The following JAKMIP1 variants were observed in gnomAD, a reference collection of about 807,000 sequenced individuals.
JAKMIP1 encodes the protein janus kinase and microtubule interacting protein 1.
JAKMIP1 carries 33 observed loss-of-function variants against 113.0 expected under a neutral mutation model. The observed-to-expected ratio is 0.29, with a 90% CI of 0.22 to 0.39. The LOEUF is 0.39. JAKMIP1 is among the 10% of genes least tolerant of loss of function. JAKMIP1 has a pLI of 1.00. For missense variants in JAKMIP1, 813 were observed against 1,080.5 expected (o/e 0.75, Z 3.47); for synonymous variants, 480 against 459.9 (o/e 1.04, Z -0.56).
Position 6,139,085 on chromosome 4 carries a change from TATACACACAC to T in JAKMIP1, c.-147-26098_-147-26089del, listed in dbSNP as rs1223094923. On this transcript the variant is annotated intron_variant, in intron 1 of 20. Transcript: ENST00000409021. This position sits in a 1 kb window ranked among gnomAD's most constrained non-coding sequence, Gnocchi z 5.2. The stretch of plus-strand genomic sequence containing the variant: ...ACACACACACACACACACACACACA[TATACACACAC>T]ACACACACACCAGCAGGTCAGCCCT... 9.5e-3 allele frequency among the ~76,000 whole-genome samples: 266 copies of T among 27,998 alleles called. 2 individuals carry two copies. The highest frequency in any genetic ancestry group is 0.02 in the African/African-American group (255 of 12,830). 18.4% of individuals were successfully genotyped at this position (27,998 alleles called of 152,430 possible).
At chr4:6,075,908 T>C (rs1048837279) in intron 8 of JAKMIP1, among the ~76,000 whole-genome samples, 1 of 152,154 alleles carries the variant, frequency 6.6e-6, no homozygotes, top group Non-Finnish European at 1.5e-5. Flanking sequence ...CAGTTGCAGC[T>C]GCTCATGCCT....
At chr4:6,091,889 C>A (rs749904973) in intron 3 of JAKMIP1, among the ~76,000 whole-genome samples, 2 of 152,144 alleles carry the variant, frequency 1.3e-5, no homozygotes, top group Non-Finnish European at 2.9e-5. Flanking sequence ...TTGTCACCTG[C>A]CTCCAGTCCC....
Position 6,140,087 on chromosome 4 carries a change from AT to A in JAKMIP1, c.-147-27091del, listed in dbSNP as rs1187712281. On this transcript the variant is annotated intron_variant, in intron 1 of 20. Transcript: ENST00000409021. This position sits in a 1 kb window ranked among gnomAD's most constrained non-coding sequence, Gnocchi z 9.4. ...CCTAGGAAACGAATATATTTATTAGATGGATTGAGATGTACTGAGAATAGCT... is the reference window on the plus strand; with the variant it reads ...CCTAGGAAACGAATATATTTATTAGAGGATTGAGATGTACTGAGAATAGCT... Among the ~76,000 whole-genome samples, 3 of 152,106 alleles carry A rather than the reference AT, an allele frequency of 2.0e-5. No individual in the cohort carries two copies. The highest frequency in any genetic ancestry group is 7.3e-5 in the African/African-American group (3 of 41,374).
chr4:6,106,782 A>G lies in JAKMIP1; in HGVS notation c.130-815T>C, dbSNP rs966303780. Among the ~76,000 whole-genome samples the G allele has an allele frequency of 6.6e-5, 10 of 152,112 alleles. No individual in the cohort carries two copies. Among genetic ancestry groups the G allele is most frequent in the Non-Finnish European group, 1.5e-4 (10 of 68,020 alleles). On this transcript the variant is annotated intron_variant, in intron 2 of 20. Transcript: ENST00000409021. This position sits in a 1 kb window ranked among gnomAD's most constrained non-coding sequence, Gnocchi z 5.9. ...GCTTTCTTTAACCTTTTTGTTTCAA[A>G]TATCACTCAACACACATTCCACAGG...
chr4:6,112,419 TA>T, intron 2 of JAKMIP1, among the ~76,000 whole-genome samples: 1 of 152,376 alleles, frequency 6.6e-6, no homozygotes, highest in African/African-American at 2.4e-5. Context: ...TTTGCTCAGT[TA>T]ATCTCTGCTA....
chr4:6,164,730 T>C (rs945788722), intron 1 of JAKMIP1, among the ~76,000 whole-genome samples: 2 of 152,216 alleles, frequency 1.3e-5, no homozygotes, highest in African/African-American at 4.8e-5. Flanking sequence ...CTAACCCCTA[T>C]GGATGACTTC....
chr4:6,199,404 G>A lies in JAKMIP1; in HGVS notation c.-148+849C>T, dbSNP rs1007019356. ...GGATGCTCAGGAGCCCACAGCAGGG[G>A]GGATGGAGCGAAGGACCGAGGGGCT... is the stretch of plus-strand genomic sequence containing the variant. On this transcript the variant is annotated intron_variant, in intron 1 of 20. Coordinates refer to ENST00000409021, the MANE Select transcript of JAKMIP1 (RefSeq NM_001099433.2). The surrounding 1 kb of genome is among the most constrained non-coding windows in gnomAD (Gnocchi z 5.6). Among the ~76,000 whole-genome samples, 2 of 152,218 alleles carry A rather than the reference G, an allele frequency of 1.3e-5. No homozygotes were observed. Among genetic ancestry groups the A allele is most frequent in the Non-Finnish European group, 2.9e-5 (2 of 68,026 alleles).
At chr4:6,090,483 T>A (rs1352474509) in intron 3 of JAKMIP1, among the ~76,000 whole-genome samples, 2 of 152,140 alleles carry the variant, frequency 1.3e-5, no homozygotes, top group African/African-American at 4.8e-5. Flanking sequence ...GCCTCCAAGT[T>A]TGTGGTAATT....
In JAKMIP1 at chr4:6,086,136, G is replaced by T. The variant is rs893362583; in HGVS notation, c.625-507C>A. Among the ~76,000 whole-genome samples the T allele has an allele frequency of 6.6e-6, 1 of 151,908 alleles. No homozygotes were observed. Among genetic ancestry groups the T allele is most frequent in the Non-Finnish European group, 1.5e-5 (1 of 67,986 alleles). ...ACCCACCGGACAACGTTGTCCTCCC[G>T]CCCTGACTCCGTCACCCACTCCCAG... On this transcript the variant is annotated intron_variant, in intron 3 of 20. Transcript: ENST00000409021. The surrounding 1 kb of genome is among the most constrained non-coding windows in gnomAD (Gnocchi z 4.1).
In JAKMIP1 at chr4:6,186,067, A is replaced by G. The variant is rs1380044342; in HGVS notation, c.-148+14186T>C. On this transcript the variant is annotated intron_variant, in intron 1 of 20. Coordinates refer to ENST00000409021, the MANE Select transcript of JAKMIP1 (RefSeq NM_001099433.2). This position sits in a 1 kb window ranked among gnomAD's most constrained non-coding sequence, Gnocchi z 5.5. ...GTGGACACAGCCAGCCACTCAACAC[A>G]GTGTCTGGCTAGGGGCTACAGGAAG... is the stretch of plus-strand genomic sequence containing the variant. Among the ~76,000 whole-genome samples the G allele has an allele frequency of 6.6e-6, 1 of 152,102 alleles. No homozygotes were observed. The highest frequency in any genetic ancestry group is 2.4e-5 in the African/African-American group (1 of 41,418).
At chr4:6,172,099 A>G (rs897018530) in intron 1 of JAKMIP1, among the ~76,000 whole-genome samples, 1 of 152,184 alleles carries the variant, frequency 6.6e-6, no homozygotes, top group Non-Finnish European at 1.5e-5. Context: ...TTTTCTCTTA[A>G]GGTAAATCCT....
Position 6,129,319 on chromosome 4 carries a change from G to A in JAKMIP1, c.-147-16322C>T, listed in dbSNP as rs1159572574. 6.6e-6 allele frequency among the ~76,000 whole-genome samples: 1 copy of A among 152,226 alleles called. No individual in the cohort carries two copies. The highest frequency in any genetic ancestry group is 1.5e-5 in the Non-Finnish European group (1 of 68,040). ...GATGCTGGGCGTGGCCCCACCCCAT[G>A]CCAGCCAGGAACCATTGATATTTAA... On this transcript the variant is annotated intron_variant, in intron 1 of 20. Transcript: ENST00000409021. The surrounding 1 kb of genome is among the most constrained non-coding windows in gnomAD (Gnocchi z 5.4).
rs1279236929 is a variant in JAKMIP1 at position 6,140,999 on chromosome 4, G to A, written c.-147-28002C>T. 1.3e-5 allele frequency among the ~76,000 whole-genome samples: 2 copies of A among 152,320 alleles called. No individual in the cohort carries two copies. The highest frequency in any genetic ancestry group is 3.9e-4 in the East Asian group (2 of 5,188). On this transcript the variant is annotated intron_variant, in intron 1 of 20. Transcript: ENST00000409021. This position sits in a 1 kb window ranked among gnomAD's most constrained non-coding sequence, Gnocchi z 9.4. ...CCAGAGCTGGGTGACGGCAGAGCCA[G>A]CCCTGTGGGCCAGGCATCTGGGACC...
At chr4:6,127,047 C>T (rs897006285) in intron 1 of JAKMIP1, among the ~76,000 whole-genome samples, 4 of 152,180 alleles carry the variant, frequency 2.6e-5, no homozygotes, top group Non-Finnish European at 5.9e-5. Context: ...GACACACCCC[C>T]ATACCACACC....
At chr4:6,077,297 T>C (rs1719817227) in intron 8 of JAKMIP1, among the ~76,000 whole-genome samples, 1 of 151,766 alleles carries the variant, frequency 6.6e-6, no homozygotes, top group South Asian at 2.1e-4. Flanking sequence ...TCACTGACAA[T>C]GAAGGCAGAG....
rs1726011919 is a variant in JAKMIP1, at chr4:6,181,471, A to G, written c.-148+18782T>C. On this transcript the variant is annotated intron_variant, in intron 1 of 20. Transcript: ENST00000409021. The surrounding 1 kb of genome is among the most constrained non-coding windows in gnomAD (Gnocchi z 5.4). ...GTGCAGACATTTGCAGAGTCCCTCA[A>G]TGTCTCAGTGGCTCCCCCATCCCTT... Among the ~76,000 whole-genome samples, 1 of 152,272 alleles carries G rather than the reference A, an allele frequency of 6.6e-6. No homozygotes were observed. Among genetic ancestry groups the G allele is most frequent in the African/African-American group, 2.4e-5 (1 of 41,556 alleles).
intron 1 of JAKMIP1, among the ~76,000 whole-genome samples, chr4:6,160,803 C>T (rs1341142458): frequency 2.6e-5 from 4 of 151,772 alleles, no homozygotes; most frequent in Non-Finnish European, 5.9e-5. Flanking sequence ...GCTCCCGCAC[C>T]TCCACTCACC....
intron 1 of JAKMIP1, among the ~76,000 whole-genome samples, chr4:6,169,375 C>T (rs1157447621): frequency 2.6e-5 from 4 of 151,842 alleles, no homozygotes; most frequent in South Asian, 4.2e-4. Context: ...GTCCACATGA[C>T]GATGGAGGCA....
At position 6,049,311 on chromosome 4, in the gene JAKMIP1, C is replaced by T. The variant is rs1715370943; in HGVS notation, c.1963-389G>A. On this transcript the variant is annotated intron_variant, in intron 15 of 20. Coordinates refer to ENST00000409021, the MANE Select transcript of JAKMIP1 (RefSeq NM_001099433.2). The surrounding 1 kb of genome is among the most constrained non-coding windows in gnomAD (Gnocchi z 7.0). Reference sequence around the variant, plus strand: ...TCAGCCTTCCAAAGTGCTGGGATTACAGGCGTGAGCCACCATGCCCCGCCA... The same window carrying T: ...TCAGCCTTCCAAAGTGCTGGGATTATAGGCGTGAGCCACCATGCCCCGCCA... 6.6e-6 allele frequency among the ~76,000 whole-genome samples: 1 copy of T among 152,220 alleles called. No homozygotes were observed. The highest frequency in any genetic ancestry group is 6.5e-5 in the Admixed American group (1 of 15,284).
Sources: allele counts gnomAD v4.1 joint callset (sites outside exome capture counted in the v4.1 genomes callset), GRCh38; gene constraint gnomAD v4.1.1; non-coding constraint Gnocchi (gnomAD v3.1); transcripts MANE v1.5; gene names NCBI Gene and HGNC (gene_info 2026-07-23, HGNC 2026-07-21).